Variants in ADAMTS17 observed in about 807,000 individuals in gnomAD.
The protein encoded by ADAMTS17 is ADAM metallopeptidase with thrombospondin type 1 motif 17.
Under a neutral mutation model 141.5 loss-of-function variants are expected in ADAMTS17, and 113 were observed. The observed-to-expected ratio is 0.80, with a 90% CI of 0.69 to 0.93. The LOEUF (loss-of-function observed/expected upper bound fraction) is 0.93, where lower values mean the gene tolerates loss of function less well. ADAMTS17 is among the 40% of genes least tolerant of loss of function. The pLI, the probability that ADAMTS17 is intolerant of heterozygous loss-of-function variation, is 0.00. For missense variants in ADAMTS17, 1,659 were observed against 1,517.9 expected, an observed-to-expected ratio of 1.09 and a Z score of -1.54; for synonymous variants, 768 against 630.6, an observed-to-expected ratio of 1.22 and a Z score of -3.27.
chr15:100,225,283 T>C (rs1225178969), intron 7 of ADAMTS17, among the ~76,000 whole-genome samples: 1 of 152,240 alleles, frequency 6.6e-6, no homozygotes, highest in Non-Finnish European at 1.5e-5. Flanking sequence ...AAATCATTCC[T>C]CTGTCATGTC....
chr15:100,312,770 T>G (rs893107468), intron 3 of ADAMTS17, among the ~76,000 whole-genome samples: 1 of 152,126 alleles, frequency 6.6e-6, no homozygotes, highest in Non-Finnish European at 1.5e-5. Context: ...AGTACAAAGA[T>G]AGACACAAAA....
rs142226870 is a variant in ADAMTS17, at chr15:100,004,709, C to T, written c.2592-7120G>A. Among the ~76,000 whole-genome samples the T allele has an allele frequency of 9.0e-3, 1,370 of 151,862 alleles. 26 individuals are homozygous for T. Among genetic ancestry groups the T allele is most frequent in the African/African-American group, 0.031 (1,293 of 41,310 alleles). ...AATCTCGGCGCACTGCAGCCTCCAC[C>T]TCCCGAGTTCAAGGGATTCTGGTGC... On this transcript the variant is annotated intron_variant, in intron 18 of 21. Coordinates refer to ENST00000268070, the MANE Select transcript of ADAMTS17 (RefSeq NM_139057.4).
In ADAMTS17 at chr15:100,199,406, C is replaced by T. The variant is rs1410744351; in HGVS notation, c.1093G>A (p.Gly365Ser). 2.5e-6 allele frequency: 4 copies of T among 1,614,140 alleles called. No individual in the cohort carries two copies. The highest frequency in any genetic ancestry group is 3.4e-6 in the Non-Finnish European group (4 of 1,180,016). Residue 365 changes from glycine (G) to serine (S), a missense_variant, in exon 8 of 22, where the codon GGT (glycine) becomes AGT (serine). Gly to Ser is a moderately conservative substitution (Grantham distance 56). Transcript: ENST00000268070. ...CACTTCCTCTTAGCACTGCACACAC[C>T]TCCTAAGTAAGCAATTCCTGCAGCA... is the stretch of plus-strand genomic sequence containing the variant. ...CDTVGIAYLG[G>S]VCSAKRKCVL... is the part of the protein sequence containing the mutation.
At chr15:100,033,859 A>G (rs73482779) in intron 18 of ADAMTS17, among the ~76,000 whole-genome samples, 1,649 of 152,300 alleles carry the variant, frequency 0.011, 35 homozygotes, top group African/African-American at 0.037. Context: ...GTGGCCCAGC[A>G]AGGCCCAATT....
At chr15:100,159,955 G>A (rs534502207) in intron 8 of ADAMTS17, among the ~76,000 whole-genome samples, 25 of 152,312 alleles carry the variant, frequency 1.6e-4, no homozygotes, top group Non-Finnish European at 2.6e-4. Flanking sequence ...CATGAGCTGC[G>A]TTCTGGGGAA....
At chr15:100,058,703 G>C (rs565806531) in intron 15 of ADAMTS17, among the ~76,000 whole-genome samples, 6 of 152,316 alleles carry the variant, frequency 3.9e-5, no homozygotes, top group Admixed American at 1.3e-4. Flanking sequence ...GGTGGAGATA[G>C]AGCCACTAGG....
chr15:100,159,651 A>G (rs1351892083), intron 8 of ADAMTS17, among the ~76,000 whole-genome samples: 1 of 152,254 alleles, frequency 6.6e-6, no homozygotes, highest in African/African-American at 2.4e-5. Flanking sequence ...TGGTGTAACC[A>G]TTGCATGTGG....
At chr15:99,978,206 T>A (rs2060406960) in intron 20 of ADAMTS17, among the ~76,000 whole-genome samples, 1 of 152,064 alleles carries the variant, frequency 6.6e-6, no homozygotes, top group Non-Finnish European at 1.5e-5. Flanking sequence ...TGGTGTCCCA[T>A]CTGTGCCTGG....
intron 15 of ADAMTS17, among the ~76,000 whole-genome samples, chr15:100,057,427 G>A (rs1250159567): frequency 6.6e-6 from 1 of 152,144 alleles, no homozygotes. Flanking sequence ...AGGGAAGCCA[G>A]GCAGCTGCTC....
chr15:99,981,883 C>A (rs892909), intron 20 of ADAMTS17, among the ~76,000 whole-genome samples: 8,014 of 152,282 alleles, frequency 0.053, 613 homozygotes, highest in African/African-American at 0.17. Flanking sequence ...AGCTGAGGTG[C>A]TGCCAGGCCT....
Position 100,259,814 on chromosome 15 carries a change from G to A in ADAMTS17, c.1031+1665C>T, listed in dbSNP as rs548165038. Among the ~76,000 whole-genome samples the A allele has an allele frequency of 1.8e-4, 28 of 152,312 alleles. No individual in the cohort carries two copies. In the East Asian group the frequency reaches 5.4e-3, roughly 29 times the overall value. ...TGAGCAGGCATCCATTTGGCAATGGGTGGTGGCATTGTGTCTATTCTAGGA... is the reference window on the plus strand; with the variant it reads ...TGAGCAGGCATCCATTTGGCAATGGATGGTGGCATTGTGTCTATTCTAGGA... On this transcript the variant is annotated intron_variant, in intron 6 of 21. Transcript: ENST00000268070.
intron 13 of ADAMTS17, among the ~76,000 whole-genome samples, chr15:100,112,416 G>C (rs1377960358): frequency 1.3e-5 from 2 of 152,022 alleles, no homozygotes; most frequent in Non-Finnish European, 2.9e-5. Context: ...TTGGAATTCA[G>C]GGCACCCACA....
chr15:100,298,001 G>A (rs1267591786), intron 3 of ADAMTS17, among the ~76,000 whole-genome samples: 1 of 152,064 alleles, frequency 6.6e-6, no homozygotes, highest in East Asian at 1.9e-4. Context: ...AGGAAGGAAG[G>A]AGGGGCTGAC....
At chr15:100,153,727 T>C (rs1474668544) in intron 9 of ADAMTS17, among the ~76,000 whole-genome samples, 1 of 152,184 alleles carries the variant, frequency 6.6e-6, no homozygotes, top group African/African-American at 2.4e-5. Context: ...CTTTTATTTC[T>C]CAATTTCTAA....
intron 8 of ADAMTS17, among the ~76,000 whole-genome samples, chr15:100,172,355 G>T (rs2040191498): frequency 6.6e-6 from 1 of 152,154 alleles, no homozygotes; most frequent in Non-Finnish European, 1.5e-5. Flanking sequence ...TTTCTTCAAA[G>T]AATCAGTACG....
chr15:100,197,474 T>C lies in ADAMTS17; in HGVS notation c.1181+1844A>G, dbSNP rs527922718. ...AACCCATTCTGATTTATGCTTTTTTTCCCCAGCAAATCACTCTTGGATACA... is the reference window on the plus strand; with the variant it reads ...AACCCATTCTGATTTATGCTTTTTTCCCCCAGCAAATCACTCTTGGATACA... On this transcript the variant is annotated intron_variant, in intron 8 of 21. Coordinates refer to ENST00000268070, the MANE Select transcript of ADAMTS17 (RefSeq NM_139057.4). Among the ~76,000 whole-genome samples, 6 of 152,242 alleles carry C rather than the reference T, an allele frequency of 3.9e-5. No individual in the cohort carries two copies. In the South Asian group the frequency reaches 6.2e-4, roughly 16 times the overall value.
chr15:100,238,040 G>C (rs2042712237), intron 7 of ADAMTS17, among the ~76,000 whole-genome samples: 1 of 152,330 alleles, frequency 6.6e-6, no homozygotes, highest in Admixed American at 6.5e-5. Context: ...GTGGGCCCAA[G>C]GGTACCCAGC....
intron 8 of ADAMTS17, among the ~76,000 whole-genome samples, chr15:100,195,177 C>G (rs1468980003): frequency 1.3e-5 from 2 of 152,240 alleles, no homozygotes; most frequent in East Asian, 3.8e-4. Context: ...GTGACCGCTG[C>G]TCAGCAGCTG....
At chr15:100,334,327 C>T (rs1044038616) in intron 2 of ADAMTS17, among the ~76,000 whole-genome samples, 1 of 152,162 alleles carries the variant, frequency 6.6e-6, no homozygotes, top group Non-Finnish European at 1.5e-5. Flanking sequence ...TGGGAGGGGA[C>T]AAAGTCACAC....
Sources: gnomAD v4.1 joint callset for allele counts (sites outside exome capture counted in the v4.1 genomes callset) on GRCh38, gnomAD v4.1.1 for gene constraint, MANE v1.5 for transcripts, NCBI Gene and HGNC (gene_info 2026-07-23, HGNC 2026-07-21) for gene names.